The following EXOC6B variants were observed in gnomAD, a reference collection of about 807,000 sequenced individuals.
The protein encoded by EXOC6B is SEC15 homolog B.
In EXOC6B, 54 loss-of-function variants were observed where a neutral mutation model predicts 113.5. The observed-to-expected ratio is 0.48, with a 90% CI of 0.38 to 0.60. EXOC6B has a LOEUF of 0.60. Among genes scored for constraint, EXOC6B ranks in the 20% least tolerant of loss-of-function variants. EXOC6B has a pLI of 0.00. For missense variants in EXOC6B, 797 were observed against 977.5 expected (o/e 0.82, Z 2.46); for synonymous variants, 357 against 339.0 (o/e 1.05, Z -0.58).
chr2:72,468,634 G>T (rs1698210304), intron 17 of EXOC6B, among the ~76,000 whole-genome samples: 1 of 152,174 alleles, frequency 6.6e-6, no homozygotes, highest in East Asian at 1.9e-4. Flanking sequence ...GAGTCTTAGT[G>T]GTCCCATATG....
At chr2:72,718,803 G>A (rs770477007) in intron 5 of EXOC6B, among the ~76,000 whole-genome samples, 3 of 152,232 alleles carry the variant, frequency 2.0e-5, no homozygotes, top group Admixed American at 6.5e-5. Flanking sequence ...CCAAGATCAC[G>A]CCAGTGCACT....
intron 6 of EXOC6B, among the ~76,000 whole-genome samples, chr2:72,622,101 G>A (rs1045180316): frequency 1.3e-5 from 2 of 151,548 alleles, no homozygotes; most frequent in African/African-American, 4.8e-5. Context: ...AAGAATATAT[G>A]TTAAATCATT....
At position 72,810,336 on chromosome 2, in the gene EXOC6B, A is replaced by AAAATAAAT. The variant is rs150111513; in HGVS notation, c.113+15454_113+15461dup. Among the ~76,000 whole-genome samples, 323 of 140,294 alleles carry AAAATAAAT rather than the reference A, an allele frequency of 2.3e-3. 1 individual carries two copies. The highest frequency in any genetic ancestry group is 3.4e-3 in the Non-Finnish European group (219 of 64,996). 92.0% of individuals were successfully genotyped at this position (140,294 alleles called of 152,430 possible). Reference sequence around the variant, plus strand: ...AGTGAGAAAGCGAGACCTTGTCTCTAAAATAAATAAATAAATAAATAAATA... The same window carrying AAAATAAAT: ...AGTGAGAAAGCGAGACCTTGTCTCTAAAATAAATAAATAAATAAATAAATAAATAAATA... On this transcript the variant is annotated intron_variant, in intron 1 of 21. Coordinates refer to ENST00000272427, the MANE Select transcript of EXOC6B (RefSeq NM_015189.3).
intron 20 of EXOC6B, among the ~76,000 whole-genome samples, chr2:72,247,527 A>G (rs1282699579): frequency 6.6e-6 from 1 of 152,184 alleles, no homozygotes. Context: ...AAGTTTCTCA[A>G]GGATAATATA....
intron 20 of EXOC6B, among the ~76,000 whole-genome samples, chr2:72,220,619 G>A (rs1425064058): frequency 6.6e-6 from 1 of 152,060 alleles, no homozygotes; most frequent in Non-Finnish European, 1.5e-5. Context: ...CACTTAACTT[G>A]TTTTATAACA....
intron 20 of EXOC6B, among the ~76,000 whole-genome samples, chr2:72,194,597 C>CTCTCTCTCTCTCTCTCTGTG (rs747161190): frequency 6.8e-6 from 1 of 147,300 alleles, no homozygotes; most frequent in African/African-American, 2.5e-5. Context: ...CTCTCTCTCT[C>CTCTCTCTCTCTCTCTCTGTG]TGTGTGTGTG....
intron 1 of EXOC6B, among the ~76,000 whole-genome samples, chr2:72,799,782 T>C (rs1388682274): frequency 6.6e-6 from 1 of 152,184 alleles, no homozygotes; most frequent in Non-Finnish European, 1.5e-5. Context: ...TTTAAAATAG[T>C]GGCTCAACCT....
chr2:72,513,213 C>T lies in EXOC6B; in HGVS notation c.1086G>A (p.Gln362=). The part of the protein sequence containing the change: ...VVEDHILHTT[Q]GLVNRAYIDE... ...CAATGTAGGCTCTATTTACTAAGCC[C>T]TGGGTTGTATGTAAAATGTGATCTT... Residue 362 remains glutamine, a synonymous_variant, in exon 11 of 22, where the codon CAG becomes CAA. Coordinates refer to ENST00000272427, the MANE Select transcript of EXOC6B (RefSeq NM_015189.3). The T allele has an allele frequency of 6.2e-7, 1 of 1,613,198 alleles. No homozygotes were observed. Among genetic ancestry groups the T allele is most frequent in the Non-Finnish European group, 8.5e-7 (1 of 1,179,356 alleles).
chr2:72,672,406 G>A (rs189670949), intron 6 of EXOC6B, among the ~76,000 whole-genome samples: 4 of 151,790 alleles, frequency 2.6e-5, no homozygotes, highest in East Asian at 1.9e-4. Flanking sequence ...TGAGGCAGGC[G>A]GATCACGAGG....
chr2:72,650,281 G>C (rs1202622931), intron 6 of EXOC6B, among the ~76,000 whole-genome samples: 1 of 152,222 alleles, frequency 6.6e-6, no homozygotes, highest in African/African-American at 2.4e-5. Context: ...CCTTGTGCCA[G>C]AAAGTTGGGG....
intron 20 of EXOC6B, among the ~76,000 whole-genome samples, chr2:72,265,577 A>G (rs903126728): frequency 3.3e-5 from 5 of 152,048 alleles, no homozygotes; most frequent in African/African-American, 9.7e-5. Flanking sequence ...TACAAACGAC[A>G]TGAACTCATC....
At chr2:72,434,591 T>C (rs1011677614) in intron 18 of EXOC6B, among the ~76,000 whole-genome samples, 2 of 152,208 alleles carry the variant, frequency 1.3e-5, no homozygotes, top group Admixed American at 1.3e-4. Flanking sequence ...GAATTTGTTA[T>C]TGGTCTATTA....
chr2:72,301,480 G>T (rs1686529831), intron 20 of EXOC6B, among the ~76,000 whole-genome samples: 1 of 152,086 alleles, frequency 6.6e-6, no homozygotes, highest in African/African-American at 2.4e-5. Context: ...CTAGTCCTGG[G>T]CTTTTTATGG....
intron 8 of EXOC6B, among the ~76,000 whole-genome samples, chr2:72,516,844 T>C (rs1195374035): frequency 6.6e-6 from 1 of 152,110 alleles, no homozygotes; most frequent in Admixed American, 6.6e-5. Context: ...TAGAACAGTA[T>C]CTCATGCAAG....
At chr2:72,566,239 T>C (rs1704171315) in intron 7 of EXOC6B, among the ~76,000 whole-genome samples, 1 of 152,116 alleles carries the variant, frequency 6.6e-6, no homozygotes, top group Non-Finnish European at 1.5e-5. Flanking sequence ...ATCTCTAGAG[T>C]TTTGACTTTT....
intron 20 of EXOC6B, among the ~76,000 whole-genome samples, chr2:72,239,156 GCT>G (rs2104499163): frequency 6.6e-6 from 1 of 152,304 alleles, no homozygotes; most frequent in African/African-American, 2.4e-5. Context: ...CTCTCAAAGT[GCT>G]GGGATTATGA....
chr2:72,657,301 C>T (rs1390244440), intron 6 of EXOC6B, among the ~76,000 whole-genome samples: 2 of 147,558 alleles, frequency 1.4e-5, no homozygotes, highest in Non-Finnish European at 3.0e-5. Context: ...CCTTGGCTCA[C>T]TGCAACCTCT....
chr2:72,781,360 C>G (rs982636909), intron 1 of EXOC6B, among the ~76,000 whole-genome samples: 1 of 152,156 alleles, frequency 6.6e-6, no homozygotes, highest in Admixed American at 6.5e-5. Context: ...ATAAAGATTT[C>G]TTTCTGGCTG....
intron 20 of EXOC6B, among the ~76,000 whole-genome samples, chr2:72,246,632 C>T (rs755626216): frequency 4.0e-5 from 6 of 151,758 alleles, no homozygotes; most frequent in Non-Finnish European, 7.4e-5. Flanking sequence ...CTCATCCTCC[C>T]GAGTAACTAG....
Sources: gnomAD v4.1 joint callset for allele counts (sites outside exome capture counted in the v4.1 genomes callset) on GRCh38, gnomAD v4.1.1 for gene constraint, MANE v1.5 for transcripts, NCBI Gene and HGNC (gene_info 2026-07-23, HGNC 2026-07-21) for gene names.